The following CACNA1H variants were observed in gnomAD, a reference collection of about 807,000 sequenced individuals.
The protein encoded by CACNA1H is voltage-dependent T-type calcium channel subunit alpha-1H.
CACNA1H carries 149 observed loss-of-function variants against 192.5 expected under a neutral mutation model. The observed-to-expected ratio is 0.77, with a 90% CI of 0.68 to 0.89. CACNA1H has a LOEUF of 0.89. Among genes scored for constraint, CACNA1H ranks in the 40% least tolerant of loss-of-function variants. The probability of loss-of-function intolerance (pLI) is 0.00; values close to 1 mark genes in which losing one functional copy is unlikely to be tolerated. For missense variants in CACNA1H, 4,257 were observed against 3,423.5 expected (o/e 1.24, Z -6.08); for synonymous variants, 2,202 against 1,475.2 (o/e 1.49, Z -11.29).
intron 2 of CACNA1H, among the ~76,000 whole-genome samples, chr16:1,156,564 C>G (rs1447725466): frequency 6.6e-6 from 1 of 152,032 alleles, no homozygotes; most frequent in East Asian, 1.9e-4. Flanking sequence ...ACTGGTGTGG[C>G]TGGGGTGTGT....
chr16:1,221,307 A>G lies in CACNA1H; in HGVS notation c.*313A>G, dbSNP rs575143104. 1 of 400,902 alleles carries G rather than the reference A, an allele frequency of 2.5e-6. No individual in the cohort carries two copies. The highest frequency in any genetic ancestry group is 6.4e-4 in the Middle Eastern group (1 of 1,554). 24.8% of individuals were successfully genotyped at this position (400,902 alleles called of 1,614,324 possible). ...GTGGGACGAAGACCGGGCACCCGCC[A>G]GAGAGGGGAAGGTACCAGGTTGCGT... On this transcript the variant is annotated 3_prime_UTR_variant, in exon 35 of 35. Transcript: ENST00000348261.
At chr16:1,191,112 G>A (rs1334790151) in intron 2 of CACNA1H, among the ~76,000 whole-genome samples, 1 of 114,536 alleles carries the variant, frequency 8.7e-6, no homozygotes, top group African/African-American at 3.7e-5. Flanking sequence ...TGGCCTGGCT[G>A]TGTGGCCTCA....
chr16:1,158,391 C>G (rs938857650), intron 2 of CACNA1H, among the ~76,000 whole-genome samples: 2 of 151,246 alleles, frequency 1.3e-5, no homozygotes, highest in African/African-American at 4.9e-5. Flanking sequence ...GTCCGCCGAG[C>G]GCCTGGGGGC....
At chr16:1,183,000 C>T (rs1965622724) in intron 2 of CACNA1H, among the ~76,000 whole-genome samples, 2 of 152,026 alleles carry the variant, frequency 1.3e-5, no homozygotes, top group Admixed American at 1.3e-4. Context: ...ACTGGGTTTC[C>T]AGGGCTGGTA....
intron 2 of CACNA1H, among the ~76,000 whole-genome samples, chr16:1,164,057 C>T (rs970048530): frequency 2.8e-4 from 42 of 152,282 alleles, no homozygotes; most frequent in African/African-American, 8.7e-4. Context: ...ACTGCCTGGC[C>T]GCCGGCCGGG....
At chr16:1,209,576 G>A in intron 17 of CACNA1H, 164 bp downstream of exon 17, 2 of 833,404 alleles carry the variant, frequency 2.4e-6, no homozygotes, top group Non-Finnish European at 3.7e-6. Flanking sequence ...AGTGTTCAGG[G>A]ATTCAGCCAC....
chr16:1,195,301 G>A (rs1038479946), intron 3 of CACNA1H, 131 bp from the exon 4 acceptor site: 2 of 1,265,124 alleles, frequency 1.6e-6, no homozygotes, highest in Non-Finnish European at 2.2e-6. Flanking sequence ...CAGTTCCTGG[G>A]GCTCAGGGCG....
chr16:1,162,899 C>T (rs1963364870), intron 2 of CACNA1H, among the ~76,000 whole-genome samples: 1 of 152,196 alleles, frequency 6.6e-6, no homozygotes, highest in South Asian at 2.1e-4. Flanking sequence ...AGGTCAGTGG[C>T]CCCAGGTCCC....
chr16:1,196,389 CGTG>C (rs1230586536), intron 5 of CACNA1H, among the ~76,000 whole-genome samples: 1 of 152,218 alleles, frequency 6.6e-6, no homozygotes, highest in African/African-American at 2.4e-5. Flanking sequence ...TGGTGTGGCT[CGTG>C]GTGGAGACAC....
At chr16:1,215,457 G>A (rs1163334899) in intron 29 of CACNA1H, 66 bp from the exon 30 acceptor site, 18 of 1,582,904 alleles carry the variant, frequency 1.1e-5, no homozygotes, top group Admixed American at 3.5e-5. Flanking sequence ...GGGGCGGGGC[G>A]GCCAGGGTCC....
chr16:1,213,756 C>G (rs189566208), intron 26 of CACNA1H, 24 bp from the exon 27 acceptor site: 1 of 1,513,582 alleles, frequency 6.6e-7, no homozygotes, highest in Admixed American at 2.2e-5. Flanking sequence ...TCCTGCCCGG[C>G]GCTCATGGCC....
chr16:1,172,655 A>G (rs1596321307), intron 2 of CACNA1H, among the ~76,000 whole-genome samples: 1 of 152,170 alleles, frequency 6.6e-6, no homozygotes, highest in Non-Finnish European at 1.5e-5. Context: ...CCGCTTTCCC[A>G]TAACCGGCTT....
intron 9 of CACNA1H, among the ~76,000 whole-genome samples, chr16:1,203,281 C>T (rs1179287692): frequency 6.6e-6 from 1 of 152,182 alleles, no homozygotes; most frequent in Non-Finnish European, 1.5e-5. Context: ...GCTCGATGGT[C>T]ATTTTCATGT....
intron 9 of CACNA1H, among the ~76,000 whole-genome samples, chr16:1,203,389 G>C (rs1968236904): frequency 6.6e-6 from 1 of 152,012 alleles, no homozygotes; most frequent in African/African-American, 2.4e-5. Flanking sequence ...GGAAGTGGCT[G>C]CTGTTATATT....
At position 1,206,107 on chromosome 16, in the gene CACNA1H, C is replaced by T. The variant is rs2141296467; in HGVS notation, c.2607C>T (p.Val869=). Reference sequence around the variant, plus strand: ...CCTCGCCCCCACCTGTCCGCAGCGTCTGGGAGATCGTGGGGCAGGCGGACG... The same window carrying T: ...CCTCGCCCCCACCTGTCCGCAGCGTTTGGGAGATCGTGGGGCAGGCGGACG... ...IFDGIIVVIS[V]WEIVGQADGG... is the part of the protein sequence containing the mutation. The change falls in exon 12 of 35, where the codon GTC becomes GTT. Residue 869 remains valine (V), a synonymous_variant. Coordinates refer to ENST00000348261, the MANE Select transcript of CACNA1H (RefSeq NM_021098.3). The T allele has an allele frequency of 6.3e-7, 1 of 1,577,490 alleles. No homozygotes were observed. Among genetic ancestry groups the T allele is most frequent in the Non-Finnish European group, 8.6e-7 (1 of 1,165,028 alleles).
chr16:1,216,895 C>A (rs758658400), intron 30 of CACNA1H, 37 bp from the exon 31 acceptor site: 1 of 1,549,236 alleles, frequency 6.5e-7, no homozygotes, highest in Non-Finnish European at 8.8e-7. Context: ...CCTCCCTGCC[C>A]GCCCGTCTGA....
chr16:1,221,608 C>T lies in CACNA1H; in HGVS notation c.*614C>T, dbSNP rs936592017. 7.3e-6 allele frequency: 5 copies of T among 684,884 alleles called. No individual in the cohort carries two copies. Among genetic ancestry groups the T allele is most frequent in the African/African-American group, 3.6e-5 (2 of 55,096 alleles). 42.4% of individuals were successfully genotyped at this position (684,884 alleles called of 1,614,324 possible). Reference sequence around the variant, plus strand: ...CCGGCCCCGATGCGAATCAGGCCTCCCCTACATCTGGGGGCGTTGGCCGCG... The same window carrying T: ...CCGGCCCCGATGCGAATCAGGCCTCTCCTACATCTGGGGGCGTTGGCCGCG... On this transcript the variant is annotated 3_prime_UTR_variant, in exon 35 of 35. Coordinates refer to ENST00000348261, the MANE Select transcript of CACNA1H (RefSeq NM_021098.3).
intron 2 of CACNA1H, among the ~76,000 whole-genome samples, chr16:1,154,326 G>A (rs1372959703): frequency 1.3e-5 from 2 of 152,156 alleles, no homozygotes; most frequent in Non-Finnish European, 1.5e-5. Context: ...GAGGGGAGAG[G>A]AGTCGGGGAG....
Position 1,204,171 on chromosome 16 carries a change from T to C in CACNA1H, c.2164T>C (p.Ser722Pro), listed in dbSNP as rs1396748072. The C allele has an allele frequency of 1.9e-6, 3 of 1,612,320 alleles. No individual in the cohort carries two copies. The highest frequency in any genetic ancestry group is 2.5e-6 in the Non-Finnish European group (3 of 1,179,714). Residue 722 changes from serine to proline, a missense_variant, in exon 10 of 35, where the codon TCA becomes CCA. By Grantham distance (74) the Ser-to-Pro change is moderately conservative (BLOSUM62 -1). Coordinates refer to ENST00000348261, the MANE Select transcript of CACNA1H (RefSeq NM_021098.3). ...GCTCAGCGGCTCGGAAAGTGGAGAC[T>C]CAGATGGCCGTGGCGTCTATGAATT... ...GELSGSESGD[S>P]DGRGVYEFTQ...
Sources: gnomAD v4.1 joint callset for allele counts (sites outside exome capture counted in the v4.1 genomes callset) on GRCh38, gnomAD v4.1.1 for gene constraint, MANE v1.5 for transcripts, NCBI Gene and HGNC (gene_info 2026-07-23, HGNC 2026-07-21) for gene names.